Variants in METTL21A observed in about 807,000 individuals in gnomAD.
The protein encoded by METTL21A is protein N-lysine methyltransferase METTL21A.
A neutral mutation model predicts 20.9 loss-of-function variants in METTL21A; 22 were observed. The ratio of observed to expected loss-of-function variants is 1.05; its 90% CI spans 0.75 to 1.50. METTL21A has a LOEUF of 1.50. Ranked by LOEUF, METTL21A falls within the 40% of genes most tolerant of loss-of-function variation. The pLI, the probability that METTL21A is intolerant of heterozygous loss-of-function variation, is 0.00. For missense variants in METTL21A, 271 were observed against 266.8 expected (o/e 1.02, Z -0.11); for synonymous variants, 93 against 102.0 (o/e 0.91, Z 0.53).
intron 3 of METTL21A, chr2:207,600,700 G>T (rs1301039771): frequency 9.5e-6 from 2 of 211,502 alleles, no homozygotes; most frequent in African/African-American, 4.5e-5. Flanking sequence ...GTCAGCAGCA[G>T]TGCTAGTCTC....
intron 1 of METTL21A, 98 bp from the exon 2 acceptor site, chr2:207,624,502 A>G: frequency 9.6e-7 from 1 of 1,038,958 alleles, no homozygotes; most frequent in Non-Finnish European, 1.3e-6. Flanking sequence ...TACAAGTTCA[A>G]AAGAAAAAAA....
intron 3 of METTL21A, among the ~76,000 whole-genome samples, chr2:207,616,435 AC>A (rs1371024835): frequency 6.6e-6 from 1 of 152,166 alleles, no homozygotes; most frequent in Non-Finnish European, 1.5e-5. Context: ...TCAGTTGACC[AC>A]CCCCTGTAAT....
exon 1 of METTL21A, chr2:207,625,358 G>A (rs1259769534): frequency 6.6e-6 from 1 of 152,096 alleles, no homozygotes; most frequent in African/African-American, 2.4e-5. Flanking sequence ...CCCGCGACGC[G>A]GGGGCGGGCG....
At chr2:207,585,013 G>C (rs920287591) in intron 3 of METTL21A, among the ~76,000 whole-genome samples, 1 of 151,720 alleles carries the variant, frequency 6.6e-6, no homozygotes, top group Non-Finnish European at 1.5e-5. Flanking sequence ...ACTTACACAC[G>C]TCTAGGAGCC....
At chr2:207,604,140 C>T (rs185369978), downstream of METTL21A, among the ~76,000 whole-genome samples, 5 of 152,312 alleles carry the variant, frequency 3.3e-5, no homozygotes, top group Admixed American at 3.3e-4. Context: ...GTCACCCTGC[C>T]ACGTTCAGGT....
At chr2:207,591,001 T>C (rs2084930089) in intron 3 of METTL21A, among the ~76,000 whole-genome samples, 1 of 152,224 alleles carries the variant, frequency 6.6e-6, no homozygotes, top group Admixed American at 6.5e-5. Context: ...AAATGTTTAA[T>C]ATTCAATTTC....
At chr2:207,616,029 G>A (rs1239965393) in intron 3 of METTL21A, among the ~76,000 whole-genome samples, 4 of 151,956 alleles carry the variant, frequency 2.6e-5, no homozygotes, top group African/African-American at 7.3e-5. Flanking sequence ...GATTACAGGC[G>A]TGAGCTACTG....
intron 3 of METTL21A, chr2:207,600,951 C>A (rs1021464740): frequency 1.4e-4 from 27 of 194,890 alleles, no homozygotes; most frequent in African/African-American, 6.1e-4. Flanking sequence ...ATTTTTAATT[C>A]TATGATCAGC....
chr2:207,624,489 GT>G, intron 1 of METTL21A, 85 bp from the exon 2 acceptor site: 1 of 1,203,274 alleles, frequency 8.3e-7, no homozygotes, highest in Non-Finnish European at 1.1e-6. Flanking sequence ...TTTTAAGGTC[GT>G]TTACAAGTTC....
rs565660729 is a variant in METTL21A, at chr2:207,600,205, TG to T, written c.260-18046del. On this transcript the variant is annotated intron_variant, in intron 3 of 3. Transcript: ENST00000425132. Reference sequence around the variant, plus strand: ...GGTGCTCTCTTCATTTAGATATTCTTGGGGGGGGTGGCATTTGTATAATATA... The same window carrying T: ...GGTGCTCTCTTCATTTAGATATTCTTGGGGGGGTGGCATTTGTATAATATA... 369 of 168,832 alleles carry T rather than the reference TG, an allele frequency of 2.2e-3. 2 individuals carry two copies. The highest frequency in any genetic ancestry group is 0.012 in the Middle Eastern group (5 of 422). The allele number at this position is 168,832 out of a possible 1,614,324, so 10.5% of individuals were successfully genotyped here.
downstream of METTL21A, among the ~76,000 whole-genome samples, chr2:207,604,565 T>C (rs950178320): frequency 1.3e-5 from 2 of 152,206 alleles, no homozygotes; most frequent in African/African-American, 4.8e-5. Context: ...GGAAGGATAA[T>C]GTCCAGGAGT....
downstream of METTL21A, among the ~76,000 whole-genome samples, chr2:207,607,510 GC>G (rs2106811559): frequency 6.6e-6 from 1 of 150,824 alleles, no homozygotes; most frequent in Admixed American, 6.6e-5. Flanking sequence ...ATGTTATTCT[GC>G]CCTGAGTTTG....
rs201304122 is a variant in METTL21A, at chr2:207,582,909, AC to A, written c.260-750del. ...CTGTCTCAAAAAAACAAACAAACAA[AC>A]AAAAAAAAATATATATATATACATA... is the stretch of plus-strand genomic sequence containing the variant. On this transcript the variant is annotated intron_variant, in intron 3 of 3. Transcript: ENST00000425132. 4.9e-3 allele frequency: 1,071 copies of A among 219,510 alleles called. 8 individuals carry two copies. The highest frequency in any genetic ancestry group is 0.014 in the African/African-American group (444 of 31,886). The allele number at this position is 219,510 out of a possible 1,614,324, so 13.6% of individuals were successfully genotyped here.
chr2:207,610,760 G>A (rs2088775114), downstream of METTL21A: 1 of 29,632 alleles, frequency 3.4e-5, no homozygotes, highest in Non-Finnish European at 6.0e-5. Flanking sequence ...GAGCCCCTCT[G>A]CCTGGCCAGC....
intron 3 of METTL21A, chr2:207,601,588 A>C: frequency 4.9e-6 from 1 of 205,272 alleles, no homozygotes; most frequent in Non-Finnish European, 9.9e-6. Flanking sequence ...TATCCTCATC[A>C]CAACATTAAT....
chr2:207,615,193 C>G (rs186523317), intron 3 of METTL21A, among the ~76,000 whole-genome samples: 1 of 152,282 alleles, frequency 6.6e-6, no homozygotes, highest in East Asian at 1.9e-4. Context: ...TTGCAGACAG[C>G]CAGGCCGAGT....
At chr2:207,623,256 C>T (rs1401011594) in intron 2 of METTL21A, among the ~76,000 whole-genome samples, 1 of 152,146 alleles carries the variant, frequency 6.6e-6, no homozygotes, top group South Asian at 2.1e-4. Context: ...GGACTGGATT[C>T]CTAGAAGTGG....
downstream of METTL21A, among the ~76,000 whole-genome samples, chr2:207,604,958 TA>T (rs2087842231): frequency 6.6e-6 from 1 of 152,244 alleles, no homozygotes; most frequent in South Asian, 2.1e-4. Flanking sequence ...ATTGTAGATA[TA>T]TACCACAAGT....
intron 3 of METTL21A, among the ~76,000 whole-genome samples, chr2:207,584,472 C>T (rs1479875001): frequency 2.0e-5 from 3 of 152,132 alleles, no homozygotes; most frequent in Non-Finnish European, 2.9e-5. Flanking sequence ...GGCACCATGT[C>T]GGCTCACTGT....
Sources: allele counts gnomAD v4.1 joint callset (sites outside exome capture counted in the v4.1 genomes callset), GRCh38; gene constraint gnomAD v4.1.1; transcripts MANE v1.5; gene names NCBI Gene and HGNC (gene_info 2026-07-23, HGNC 2026-07-21).